Variants in PCMTD1 observed in about 807,000 individuals in gnomAD.
PCMTD1 encodes the protein protein-L-isoaspartate (D-aspartate) O-methyltransferase domain containing 1, also known as protein-L-isoaspartate O-methyltransferase domain-containing protein 1.
Under a neutral mutation model 37.6 loss-of-function variants are expected in PCMTD1, and 12 were observed. The observed-to-expected ratio is 0.32, with a 90% CI of 0.20 to 0.52. The LOEUF (loss-of-function observed/expected upper bound fraction) is 0.52, where lower values mean the gene tolerates loss of function less well. PCMTD1 is among the 20% of genes least tolerant of loss of function. The pLI is 0.97. For missense variants in PCMTD1, 235 were observed against 421.3 expected (o/e 0.56, Z 3.87); for synonymous variants, 117 against 135.8 (o/e 0.86, Z 0.96).
At chr8:51,874,879 T>G (rs1223426858) in intron 1 of PCMTD1, among the ~76,000 whole-genome samples, 1 of 152,152 alleles carries the variant, frequency 6.6e-6, no homozygotes, top group African/African-American at 2.4e-5. Flanking sequence ...GGGACCATAC[T>G]CCAGAAGCTA....
rs2038691158 is a variant in PCMTD1 at position 51,874,960 on chromosome 8, G to C, written c.-95-13714C>G. Among the ~76,000 whole-genome samples the C allele has an allele frequency of 2.0e-5, 3 of 152,158 alleles. No individual in the cohort carries two copies. In the South Asian group the frequency reaches 6.2e-4, roughly 31 times the overall value. On this transcript the variant is annotated intron_variant, in intron 1 of 5. Coordinates refer to ENST00000522514, the MANE Select transcript of PCMTD1 (RefSeq NM_052937.4). ...GATCACTCCATTTCATTAAGAAATT[G>C]AGCCTCAGCAGTTGCCTTGTTCAAG...
chr8:51,874,396 A>C lies in PCMTD1; in HGVS notation c.-95-13150T>G, dbSNP rs528415793. Among the ~76,000 whole-genome samples the C allele has an allele frequency of 2.0e-5, 3 of 150,192 alleles. No individual in the cohort carries two copies. The Admixed American group carries it at 2.0e-4, about 10-fold the overall frequency. On this transcript the variant is annotated intron_variant, in intron 1 of 5. Transcript: ENST00000522514. The stretch of plus-strand genomic sequence containing the variant: ...TCAACATGGAACCACCAAGTTAAGA[A>C]AGACTCAGGCACACCAGGGAAAGAA...
At chr8:51,826,069 G>GT (rs1281224667) in intron 5 of PCMTD1, among the ~76,000 whole-genome samples, 2 of 152,178 alleles carry the variant, frequency 1.3e-5, no homozygotes, top group African/African-American at 2.4e-5. Context: ...GCACATGTAT[G>GT]TTTACTGCAG....
rs766974162 is a variant in PCMTD1 at position 51,831,486 on chromosome 8, G to C, written c.664C>G (p.Pro222Ala). The C allele has an allele frequency of 3.1e-6, 5 of 1,613,614 alleles. No homozygotes were observed. The highest frequency in any genetic ancestry group is 4.2e-6 in the Non-Finnish European group (5 of 1,179,780). The change falls in exon 5 of 6, where the codon CCA (proline) becomes GCA (alanine). Residue 222 changes from proline (P) to alanine (A), a missense_variant. Physicochemically the swap from Pro to Ala is conservative, Grantham distance 27. This residue lies in a region of PCMTD1 where 183 missense variants were observed against 349.3 expected (regional missense o/e 0.52). Coordinates refer to ENST00000522514, the MANE Select transcript of PCMTD1 (RefSeq NM_052937.4). The stretch of plus-strand genomic sequence containing the variant: ...GGTTTGCCATTATCATTCTTACTTG[G>C]TTGCACAAGTGGAGCAAATGAAACA... ...LAVSFAPLVQ[P>A]SKNDNGKPDS...
chr8:51,855,943 C>A (rs542856104), intron 2 of PCMTD1, among the ~76,000 whole-genome samples: 1 of 152,240 alleles, frequency 6.6e-6, no homozygotes, highest in African/African-American at 2.4e-5. Context: ...GCTCGGACTA[C>A]AGACTGAGCC....
chr8:51,824,570 T>C (rs1198354961), intron 5 of PCMTD1, among the ~76,000 whole-genome samples: 2 of 152,182 alleles, frequency 1.3e-5, no homozygotes, highest in African/African-American at 4.8e-5. Context: ...TGGAAAAACA[T>C]TCCATGTTCA....
At chr8:51,880,632 T>C (rs925123045) in intron 1 of PCMTD1, among the ~76,000 whole-genome samples, 4 of 152,190 alleles carry the variant, frequency 2.6e-5, no homozygotes, top group East Asian at 3.8e-4. Context: ...TGAGGACTTA[T>C]ATCACCCAAT....
In PCMTD1 at chr8:51,868,042, A is replaced by C. The variant is rs536364007; in HGVS notation, c.-95-6796T>G. 2.0e-5 allele frequency among the ~76,000 whole-genome samples: 3 copies of C among 152,242 alleles called. No homozygotes were observed. In the South Asian group the frequency reaches 6.2e-4, roughly 32 times the overall value. ...GCAAATTTTTTAACTGGCCTGATTT[A>C]ATCATTCCACACTGTAAACATATAT... On this transcript the variant is annotated intron_variant, in intron 1 of 5. Transcript: ENST00000522514.
At chr8:51,891,687 C>CAT (rs2038938315) in intron 1 of PCMTD1, among the ~76,000 whole-genome samples, 1 of 89,836 alleles carries the variant, frequency 1.1e-5, no homozygotes, top group Non-Finnish European at 2.8e-5. Context: ...TATATATATA[C>CAT]ATATATATGT....
intron 5 of PCMTD1, among the ~76,000 whole-genome samples, chr8:51,822,824 G>A (rs1001406281): frequency 1.3e-5 from 2 of 152,202 alleles, no homozygotes; most frequent in African/African-American, 4.8e-5. Context: ...TAAAGGGACA[G>A]AGTGAAGAAT....
intron 1 of PCMTD1, among the ~76,000 whole-genome samples, chr8:51,872,258 G>C (rs1479321032): frequency 6.6e-6 from 1 of 151,868 alleles, no homozygotes; most frequent in South Asian, 2.1e-4. Flanking sequence ...ATTACCACAC[G>C]TATCTCCCTA....
chr8:51,859,955 T>C (rs9298464), intron 2 of PCMTD1, among the ~76,000 whole-genome samples: 104,414 of 152,018 alleles, frequency 0.69, 42,349 homozygotes, highest in Non-Finnish European at 0.9. Context: ...TTTTAACGTA[T>C]GCCACACAGT....
chr8:51,883,003 G>C (rs967143599), intron 1 of PCMTD1, among the ~76,000 whole-genome samples: 4 of 151,492 alleles, frequency 2.6e-5, no homozygotes, highest in African/African-American at 9.7e-5. Context: ...CAGGCGTGGT[G>C]GTGGGCGCCT....
At chr8:51,851,850 A>G (rs1300918869) in intron 2 of PCMTD1, among the ~76,000 whole-genome samples, 2 of 152,030 alleles carry the variant, frequency 1.3e-5, no homozygotes, top group Non-Finnish European at 2.9e-5. Flanking sequence ...GGGTTTCTCC[A>G]TGTTGGTCAG....
intron 5 of PCMTD1, among the ~76,000 whole-genome samples, chr8:51,830,918 G>A (rs1020463754): frequency 1.3e-5 from 2 of 152,008 alleles, no homozygotes; most frequent in African/African-American, 4.8e-5. Flanking sequence ...ATTTGGTTTT[G>A]GTTTGACCTG....
At chr8:51,872,803 A>C (rs1018499940) in intron 1 of PCMTD1, among the ~76,000 whole-genome samples, 2 of 152,236 alleles carry the variant, frequency 1.3e-5, no homozygotes, top group Non-Finnish European at 2.9e-5. Context: ...ACATGAGCTC[A>C]TATCAAATGT....
intron 1 of PCMTD1, among the ~76,000 whole-genome samples, chr8:51,866,391 T>TA (rs535220239): frequency 9.6e-4 from 146 of 152,042 alleles, no homozygotes; most frequent in African/African-American, 3.4e-3. Context: ...TACAAAGCTA[T>TA]AGTAATCAAA....
chr8:51,821,896 A>C (rs750358576), intron 5 of PCMTD1, among the ~76,000 whole-genome samples: 8 of 152,012 alleles, frequency 5.3e-5, no homozygotes, highest in Non-Finnish European at 1.2e-4. Context: ...CCACCACACC[A>C]GTGTAATTTT....
intron 3 of PCMTD1, among the ~76,000 whole-genome samples, chr8:51,837,444 A>C (rs1469013739): frequency 1.3e-5 from 2 of 152,174 alleles, no homozygotes; most frequent in African/African-American, 4.8e-5. Context: ...GGATATCTTT[A>C]AATGTTAGCA....
Sources: gnomAD v4.1 joint callset for allele counts (sites outside exome capture counted in the v4.1 genomes callset) on GRCh38, gnomAD v4.1.1 for gene constraint, gnomAD v4.1.1 regional missense constraint, MANE v1.5 for transcripts, NCBI Gene and HGNC (gene_info 2026-07-23, HGNC 2026-07-21) for gene names.